Variants in NBEA observed in about 807,000 individuals in gnomAD.
NBEA encodes neurobeachin, also known as lysosomal-trafficking regulator 2.
NBEA carries 44 observed loss-of-function variants against 343.4 expected under a neutral mutation model. That is an observed-to-expected ratio of 0.13 (90% CI 0.10 to 0.16). The LOEUF (loss-of-function observed/expected upper bound fraction) is 0.16. Ranked by LOEUF, NBEA falls within the 10% of genes least tolerant of loss-of-function variation. The pLI is 1.00. For synonymous variants in NBEA, 1,175 were observed against 1,238.7 expected, an observed-to-expected ratio of 0.95 and a Z score of 1.08; for missense variants, 2,555 against 3,631.3, an observed-to-expected ratio of 0.70 and a Z score of 7.62.
Position 35,270,930 on chromosome 13 carries a change from C to A in NBEA, c.5777-19459C>A, listed in dbSNP as rs1385881453. 2.6e-5 allele frequency among the ~76,000 whole-genome samples: 4 copies of A among 152,338 alleles called. No individual in the cohort carries two copies. In the East Asian group the frequency reaches 7.7e-4, roughly 29 times the overall value. ...CCTCTTGGGGCAGAGCATACCTGAACAAAAGGCAGCAGACAGCTACTGCAG... is the reference window on the plus strand; with the variant it reads ...CCTCTTGGGGCAGAGCATACCTGAAAAAAAGGCAGCAGACAGCTACTGCAG... On this transcript the variant is annotated intron_variant, in intron 34 of 58. Coordinates refer to ENST00000379939, the MANE Select transcript of NBEA (RefSeq NM_001385012.1).
At chr13:34,975,189 G>A (rs1269790517) in intron 1 of NBEA, among the ~76,000 whole-genome samples, 1 of 152,140 alleles carries the variant, frequency 6.6e-6, no homozygotes, top group Admixed American at 6.5e-5. Flanking sequence ...AAATCTGGAA[G>A]CATCACATTA....
intron 45 of NBEA, among the ~76,000 whole-genome samples, chr13:35,577,980 AGGTAG>A (rs1198409266): frequency 2.0e-5 from 3 of 152,234 alleles, no homozygotes; most frequent in African/African-American, 4.8e-5. Flanking sequence ...GAATGATGAC[AGGTAG>A]TTCATGACTA....
At chr13:35,617,757 C>T (rs1254308025) in intron 48 of NBEA, among the ~76,000 whole-genome samples, 1 of 152,144 alleles carries the variant, frequency 6.6e-6, no homozygotes, top group African/African-American at 2.4e-5. Context: ...TTTTCTCATC[C>T]TACTACTAGG....
chr13:35,532,839 A>G (rs2078332757), intron 41 of NBEA, among the ~76,000 whole-genome samples: 1 of 152,154 alleles, frequency 6.6e-6, no homozygotes, highest in South Asian at 2.1e-4. Flanking sequence ...AGTTGCATTA[A>G]AAGATCTCAG....
intron 10 of NBEA, among the ~76,000 whole-genome samples, chr13:35,086,551 T>C (rs1170658565): frequency 1.3e-5 from 2 of 151,928 alleles, no homozygotes; most frequent in Non-Finnish European, 2.9e-5. Flanking sequence ...TCTTTAGCCA[T>C]TTGCCTGTTG....
intron 18 of NBEA, among the ~76,000 whole-genome samples, chr13:35,146,465 A>G (rs1396443149): frequency 2.0e-5 from 3 of 152,162 alleles, no homozygotes; most frequent in African/African-American, 7.2e-5. Context: ...GGGAGCCGCC[A>G]GGAACGTTGG....
chr13:35,006,652 A>G lies in NBEA; in HGVS notation c.295-34281A>G, dbSNP rs141393976. On this transcript the variant is annotated intron_variant, in intron 1 of 58. Transcript: ENST00000379939. ...TCTTTGTTGGAAATCTACTTTTTAC[A>G]GTCTCTTTTTCTTTCTCTGCAATTT... 2.1e-3 allele frequency among the ~76,000 whole-genome samples: 318 copies of G among 152,274 alleles called. 2 individuals are homozygous for G. Among genetic ancestry groups the G allele is most frequent in the African/African-American group, 7.3e-3 (302 of 41,554 alleles).
intron 34 of NBEA, among the ~76,000 whole-genome samples, chr13:35,249,201 G>T (rs2031647123): frequency 6.7e-6 from 1 of 148,398 alleles, no homozygotes; most frequent in African/African-American, 2.5e-5. Flanking sequence ...CATTGGATTT[G>T]GATTTGGCAA....
chr13:35,255,674 G>A (rs73169709), intron 34 of NBEA, among the ~76,000 whole-genome samples: 1,728 of 152,338 alleles, frequency 0.011, 16 homozygotes, highest in South Asian at 0.03. Context: ...AAATTACAGA[G>A]CCCCAGAAAG....
intron 1 of NBEA, among the ~76,000 whole-genome samples, chr13:34,944,737 G>A (rs2059137289): frequency 6.6e-6 from 1 of 152,108 alleles, no homozygotes; most frequent in Non-Finnish European, 1.5e-5. Context: ...TAATTTAAAG[G>A]AACACATTTT....
chr13:35,488,347 G>A (rs2076378366), intron 41 of NBEA, among the ~76,000 whole-genome samples: 1 of 151,572 alleles, frequency 6.6e-6, no homozygotes, highest in African/African-American at 2.4e-5. Context: ...CCTTCGTATA[G>A]TTTTTTTTCC....
chr13:35,293,487 G>T (rs777060741), intron 35 of NBEA, among the ~76,000 whole-genome samples: 1 of 151,854 alleles, frequency 6.6e-6, no homozygotes, highest in African/African-American at 2.4e-5. Flanking sequence ...GAAGTGAAAT[G>T]AACTAAAGTA....
chr13:35,548,262 A>T (rs2079155051), intron 41 of NBEA, among the ~76,000 whole-genome samples: 1 of 152,190 alleles, frequency 6.6e-6, no homozygotes, highest in East Asian at 1.9e-4. Flanking sequence ...CAGTTTATAA[A>T]ATACAGTTTT....
rs764553405 is a variant in NBEA at position 35,045,057 on chromosome 13, G to T, written c.627+10G>T. ...AGAAAGTGGAATCTGGGTAAGCTGT[G>T]GTCGGAGGGAAAGGTATTCAGTATC... On this transcript the variant is annotated intron_variant, in intron 3 of 58. Transcript: ENST00000379939. 6.3e-7 allele frequency: 1 copy of T among 1,597,904 alleles called. No individual in the cohort carries two copies. The highest frequency in any genetic ancestry group is 1.1e-5 in the South Asian group (1 of 88,562).
chr13:35,348,016 T>C (rs1222150460), intron 36 of NBEA, among the ~76,000 whole-genome samples: 1 of 152,104 alleles, frequency 6.6e-6, no homozygotes, highest in Non-Finnish European at 1.5e-5. Flanking sequence ...AGGAGTCACA[T>C]AGCATCACTT....
intron 11 of NBEA, among the ~76,000 whole-genome samples, chr13:35,104,583 T>A (rs1295850830): frequency 6.6e-6 from 1 of 151,942 alleles, no homozygotes; most frequent in African/African-American, 2.4e-5. Flanking sequence ...TTTTAAATAA[T>A]CACTGGCAAG....
chr13:35,164,668 G>C (rs1396734763), intron 24 of NBEA, 159 bp downstream of exon 24: 1 of 779,302 alleles, frequency 1.3e-6, no homozygotes, highest in East Asian at 2.7e-5. Flanking sequence ...TTGTTTATCA[G>C]TGTTGGGTTC....
intron 49 of NBEA, among the ~76,000 whole-genome samples, chr13:35,633,026 A>AAG (rs2083527789): frequency 6.6e-6 from 1 of 151,840 alleles, no homozygotes; most frequent in Non-Finnish European, 1.5e-5. Flanking sequence ...GAAAAAAAAA[A>AAG]AAAAAAATTA....
At position 35,422,930 on chromosome 13, in the gene NBEA, G is replaced by A. The variant is rs896954065; in HGVS notation, c.6180-9339G>A. On this transcript the variant is annotated intron_variant, in intron 38 of 58. Transcript: ENST00000379939. ...TGAGCATTTTTTCATGTGTCTTTTG[G>A]CTGCATAAATGTCTTCTTTTGAGAA... 8.5e-5 allele frequency among the ~76,000 whole-genome samples: 13 copies of A among 152,246 alleles called. No individual in the cohort carries two copies. In the South Asian group the frequency reaches 1.0e-3, roughly 12 times the overall value.
Sources: allele counts gnomAD v4.1 joint callset (sites outside exome capture counted in the v4.1 genomes callset), GRCh38; gene constraint gnomAD v4.1.1; transcripts MANE v1.5; gene names NCBI Gene and HGNC (gene_info 2026-07-23, HGNC 2026-07-21).